The following FXYD1 variants were observed in gnomAD, a reference collection of about 807,000 sequenced individuals.
FXYD1 encodes the protein FXYD domain containing ion transport regulator 1.
A neutral mutation model predicts 17.2 loss-of-function variants in FXYD1; 9 were observed. The observed-to-expected ratio is 0.52, with a 90% CI of 0.32 to 0.91. The LOEUF is 0.91. FXYD1 is among the 40% of genes least tolerant of loss of function. The probability of loss-of-function intolerance (pLI) is 0.04; values close to 1 mark genes in which losing one functional copy is unlikely to be tolerated. For missense variants in FXYD1, 113 were observed against 120.6 expected (o/e 0.94, Z 0.29); for synonymous variants, 55 against 45.8 (o/e 1.20, Z -0.81).
chr19:35,140,073 C>A lies in FXYD1; in HGVS notation c.-4-3C>A. 1.2e-6 allele frequency: 2 copies of A among 1,612,640 alleles called. No homozygotes were observed. The highest frequency in any genetic ancestry group is 1.7e-6 in the Non-Finnish European group (2 of 1,178,646). On this transcript the variant is annotated splice_polypyrimidine_tract_variant and splice_region_variant and intron_variant, in intron 1 of 7. Transcript: ENST00000351325. ...ACTGCCTAATCCGTGGTGTCCCCCC[C>A]AGGACAATGGCGTCTCTTGGCCACA...
chr19:35,140,910 CT>C (rs1456893576), intron 3 of FXYD1: 22 of 589,930 alleles, frequency 3.7e-5, no homozygotes, highest in Middle Eastern at 2.7e-4. Flanking sequence ...TCTCTCCCCC[CT>C]GTCCTCCTCC....
At chr19:35,141,402 C>T in intron 4 of FXYD1, 134 bp from the exon 5 acceptor site, 2 of 760,580 alleles carry the variant, frequency 2.6e-6, no homozygotes, top group Non-Finnish European at 4.5e-6. Context: ...CTTGGTTCCC[C>T]GGCCCCCGGT....
intron 2 of FXYD1, 117 bp from the exon 3 acceptor site, chr19:35,140,480 T>C (rs2065241353): frequency 1.1e-6 from 1 of 922,046 alleles, no homozygotes; most frequent in African/African-American, 1.6e-5. Context: ...GTGGGCAGCC[T>C]GCCCAGACAC....
intron 6 of FXYD1, 71 bp from the exon 7 acceptor site, chr19:35,142,649 C>T (rs1329482770): frequency 6.4e-7 from 1 of 1,564,068 alleles, no homozygotes; most frequent in African/African-American, 1.4e-5. Context: ...GTTGCCCCGC[C>T]GCGGGCCCCA....
intron 4 of FXYD1, 35 bp from the exon 5 acceptor site, chr19:35,141,501 G>T (rs377404435): frequency 6.3e-7 from 1 of 1,588,686 alleles, no homozygotes; most frequent in Non-Finnish European, 8.6e-7. Context: ...CGCCGGGAGG[G>T]AGCCTCAGCT....
upstream of FXYD1, chr19:35,138,465 GCT>G (rs2065222081): frequency 6.6e-6 from 1 of 152,276 alleles, no homozygotes. Context: ...GGGTCAGTGG[GCT>G]CCTGGGCAGT....
chr19:35,141,583 C>T lies in FXYD1; in HGVS notation c.206+11C>T. 1 of 1,605,876 alleles carries T rather than the reference C, an allele frequency of 6.2e-7. No homozygotes were observed. The highest frequency in any genetic ancestry group is 8.5e-7 in the Non-Finnish European group (1 of 1,175,440). On this transcript the variant is annotated intron_variant, in intron 5 of 7. Coordinates refer to ENST00000351325, the MANE Select transcript of FXYD1 (RefSeq NM_021902.4). ...CAACCAGCAGCAGAGGTAAGACGCCCCTCCCCGCCCTCCTTCGCCCGCTCC... is the reference window on the plus strand; with the variant it reads ...CAACCAGCAGCAGAGGTAAGACGCCTCTCCCCGCCCTCCTTCGCCCGCTCC...
intron 7 of FXYD1, 45 bp downstream of exon 7, chr19:35,142,816 GGAAAGGC>G: frequency 6.8e-7 from 1 of 1,478,558 alleles, no homozygotes; most frequent in Non-Finnish European, 9.4e-7. Flanking sequence ...GAGGGAGGAA[GGAAAGGC>G]GGGAGAGGGA....
At chr19:35,141,680 GT>G in intron 5 of FXYD1, 108 bp downstream of exon 5, 1 of 893,160 alleles carries the variant, frequency 1.1e-6, no homozygotes, top group Non-Finnish European at 1.8e-6. Context: ...CAGCGACTAT[GT>G]ATTAAGCACC....
chr19:35,139,851 C>G (rs1204315103), intron 1 of FXYD1: 4 of 518,782 alleles, frequency 7.7e-6, no homozygotes, highest in Non-Finnish European at 1.4e-5. Flanking sequence ...ACCCCCGTCC[C>G]TGCTACGTTG....
chr19:35,142,864 G>A (rs2145390932), intron 7 of FXYD1, 53 bp from the exon 8 acceptor site: 2 of 934,204 alleles, frequency 2.1e-6, no homozygotes, highest in Non-Finnish European at 3.4e-6. Context: ...GAAGGGCGGC[G>A]AGGGGTGGGG....
chr19:35,141,135 AC>A lies in FXYD1; in HGVS notation c.100del (p.Gln34SerfsTer23). On this transcript the variant is annotated frameshift_variant, in exon 4 of 8. Transcript: ENST00000351325. LOFTEE classifies it high-confidence loss of function. ...TTCCCTGCTCTGCTGCTCACAGACT[AC>A]CAGTCCCTGCAGATCGGAGGCCTCG... is the stretch of plus-strand genomic sequence containing the variant. ...PKEHDPFTYD[Y>X]QSLQIGGLVI... 1.2e-6 allele frequency: 2 copies of A among 1,601,428 alleles called. No individual in the cohort carries two copies. Among genetic ancestry groups the A allele is most frequent in the East Asian group, 2.2e-5 (1 of 44,742 alleles).
upstream of FXYD1, chr19:35,138,668 C>G (rs1043763768): frequency 6.6e-6 from 1 of 152,280 alleles, no homozygotes; most frequent in Non-Finnish European, 1.5e-5. Flanking sequence ...GAGAGTTAAC[C>G]AAGCGGGCCA....
In FXYD1 at chr19:35,142,551, G is replaced by C; in HGVS notation, c.256+30G>C. The C allele has an allele frequency of 1.9e-6, 3 of 1,605,440 alleles. No homozygotes were observed. In the South Asian group the frequency reaches 3.3e-5, roughly 18 times the overall value. ...GTCTGGGGAGACTGCGGGTATTCTG[G>C]GGAGAGGGCTGGTTCCAAGGACCGC... On this transcript the variant is annotated intron_variant, in intron 6 of 7. Transcript: ENST00000351325.
At chr19:35,142,352 T>G (rs367892101) in intron 5 of FXYD1, 120 bp from the exon 6 acceptor site, 1 of 749,948 alleles carries the variant, frequency 1.3e-6, no homozygotes, top group Non-Finnish European at 2.2e-6. Flanking sequence ...GAGCCTGCTC[T>G]TCGTCCATAT....
Position 35,143,059 on chromosome 19 carries a change from T to C in FXYD1, c.*172T>C. The C allele has an allele frequency of 1.8e-6, 1 of 555,586 alleles. No homozygotes were observed. The highest frequency in any genetic ancestry group is 2.2e-5 in the South Asian group (1 of 46,396). The allele number at this position is 555,586 out of a possible 1,614,324, so 34.4% of individuals were successfully genotyped here. A position where few individuals can be genotyped will look rare whatever the true frequency, so the allele number is the denominator to read the frequency against. On this transcript the variant is annotated 3_prime_UTR_variant, in exon 8 of 8. Transcript: ENST00000351325. The surrounding 1 kb of genome is among the most constrained non-coding windows in gnomAD (Gnocchi z 4.3). ...ACGTGCGTTCCTCTCGACAGCACTT[T>C]GTCGGTCTCGGTCCCTCAGCGCGAA... is the stretch of plus-strand genomic sequence containing the variant.
At chr19:35,137,393 A>G (rs1365536924), upstream of FXYD1, among the ~76,000 whole-genome samples, 2 of 152,180 alleles carry the variant, frequency 1.3e-5, no homozygotes, top group Admixed American at 6.5e-5. Flanking sequence ...CAGCCTGCGC[A>G]TCTGTCACCG....
chr19:35,142,873 G>A, intron 7 of FXYD1, 44 bp from the exon 8 acceptor site: 1 of 837,316 alleles, frequency 1.2e-6, no homozygotes, highest in African/African-American at 1.7e-5. Flanking sequence ...CGAGGGGTGG[G>A]GCTGGACGTC....
chr19:35,138,937 CT>C (rs1222733086), intron 1 of FXYD1, 43 bp downstream of exon 1: 1 of 152,364 alleles, frequency 6.6e-6, no homozygotes, highest in African/African-American at 2.4e-5. Flanking sequence ...CACCCCTGGT[CT>C]GGCTGGGCCG....
Sources: allele counts gnomAD v4.1 joint callset (sites outside exome capture counted in the v4.1 genomes callset), GRCh38; gene constraint gnomAD v4.1.1; non-coding constraint Gnocchi (gnomAD v3.1); transcripts MANE v1.5; gene names NCBI Gene and HGNC (gene_info 2026-07-23, HGNC 2026-07-21).